Variants in ATF7IP observed in about 807,000 individuals in gnomAD.
ATF7IP encodes the protein activating transcription factor 7 interacting protein, also known as activating transcription factor 7-interacting protein 1.
Under a neutral mutation model 106.4 loss-of-function variants are expected in ATF7IP, and 23 were observed. The ratio of observed to expected loss-of-function variants is 0.22; its 90% CI spans 0.16 to 0.31. The LOEUF (loss-of-function observed/expected upper bound fraction) is 0.31, where lower values mean the gene tolerates loss of function less well. Ranked by LOEUF, ATF7IP falls within the 10% of genes least tolerant of loss-of-function variation. The probability of loss-of-function intolerance (pLI) is 1.00; values close to 1 mark genes in which losing one functional copy is unlikely to be tolerated. For missense variants in ATF7IP, 1,334 were observed against 1,524.3 expected (o/e 0.88, Z 2.08); for synonymous variants, 542 against 539.0 (o/e 1.01, Z -0.08).
At chr12:14,402,145 T>G (rs1319991054) in intron 1 of ATF7IP, among the ~76,000 whole-genome samples, 1 of 122,868 alleles carries the variant, frequency 8.1e-6, no homozygotes, top group Non-Finnish European at 1.7e-5. Flanking sequence ...TTTTTTTTTT[T>G]GAGATAGGGT....
chr12:14,495,823 C>T (rs1397255612), intron 13 of ATF7IP, among the ~76,000 whole-genome samples: 1 of 152,136 alleles, frequency 6.6e-6, no homozygotes, highest in African/African-American at 2.4e-5. Flanking sequence ...TCCATTATGG[C>T]CATTTACCTT....
intron 1 of ATF7IP, among the ~76,000 whole-genome samples, chr12:14,396,618 C>A (rs977300063): frequency 6.6e-6 from 1 of 152,032 alleles, no homozygotes; most frequent in Non-Finnish European, 1.5e-5. Flanking sequence ...GGAAGACATA[C>A]ACATCTGAAA....
intron 5 of ATF7IP, 46 bp downstream of exon 5, chr12:14,438,313 T>G: frequency 6.8e-7 from 1 of 1,475,480 alleles, no homozygotes; most frequent in Non-Finnish European, 9.2e-7. Context: ...TCATTGTTTT[T>G]ATAACTTATT....
At chr12:14,458,394 G>A (rs549494336) in intron 8 of ATF7IP, among the ~76,000 whole-genome samples, 1 of 152,288 alleles carries the variant, frequency 6.6e-6, no homozygotes, top group Middle Eastern at 3.4e-3. Flanking sequence ...CAAATATATA[G>A]ATGGAAAAGG....
chr12:14,494,312 T>TATATAG (rs1944930462), intron 13 of ATF7IP, among the ~76,000 whole-genome samples: 1 of 97,154 alleles, frequency 1.0e-5, no homozygotes, highest in Non-Finnish European at 2.1e-5. Context: ...TATATATATA[T>TATATAG]ATATATATAT....
chr12:14,397,585 A>G (rs555841972), intron 1 of ATF7IP, among the ~76,000 whole-genome samples: 1 of 152,276 alleles, frequency 6.6e-6, no homozygotes, highest in East Asian at 1.9e-4. Flanking sequence ...GCCTTTCATT[A>G]CTTTTATTTT....
At chr12:14,472,911 C>A (rs1365097110) in intron 10 of ATF7IP, among the ~76,000 whole-genome samples, 2 of 152,136 alleles carry the variant, frequency 1.3e-5, no homozygotes, top group African/African-American at 4.8e-5. Flanking sequence ...TTAATTGGCT[C>A]ATGGTTCTAC....
chr12:14,436,160 C>T lies in ATF7IP; in HGVS notation c.1700C>T (p.Ser567Phe). The T allele has an allele frequency of 6.2e-7, 1 of 1,613,658 alleles. No homozygotes were observed. Among genetic ancestry groups the T allele is most frequent in the South Asian group, 1.1e-5 (1 of 91,044 alleles). Reference sequence around the variant, plus strand: ...TCAGAAGACATGGACAATGTACAGTCTAAACGTCGTCGATATATGGAAGAA... The same window carrying T: ...TCAGAAGACATGGACAATGTACAGTTTAAACGTCGTCGATATATGGAAGAA... ...SKSEDMDNVQ[S>F]KRRRYMEEEY... The change falls in exon 4 of 15, where the codon TCT (serine) becomes TTT (phenylalanine). Residue 567 changes from serine (S) to phenylalanine (F), a missense_variant. Ser to Phe is a radical substitution (Grantham distance 155, BLOSUM62 -2). Transcript: ENST00000261168.
chr12:14,422,989 G>A (rs1941615098), intron 1 of ATF7IP, among the ~76,000 whole-genome samples: 1 of 152,114 alleles, frequency 6.6e-6, no homozygotes. Flanking sequence ...CAAAGCAGCT[G>A]CACCTATTTG....
intron 3 of ATF7IP, among the ~76,000 whole-genome samples, chr12:14,434,902 A>G (rs1942327359): frequency 6.6e-6 from 1 of 152,184 alleles, no homozygotes; most frequent in African/African-American, 2.4e-5. Context: ...CCTGGGTGAC[A>G]TAGCAAGAAC....
chr12:14,404,381 AC>A (rs1253644789), intron 1 of ATF7IP, among the ~76,000 whole-genome samples: 2 of 152,176 alleles, frequency 1.3e-5, no homozygotes, highest in African/African-American at 4.8e-5. Flanking sequence ...TATAATCATG[AC>A]CACAGGCATT....
intron 1 of ATF7IP, among the ~76,000 whole-genome samples, chr12:14,379,864 A>G (rs181398309): frequency 1.6e-4 from 25 of 152,248 alleles, no homozygotes; most frequent in South Asian, 6.2e-4. Flanking sequence ...TGGAATTTCA[A>G]TGGAACCTGC....
intron 13 of ATF7IP, among the ~76,000 whole-genome samples, chr12:14,488,008 C>A (rs142683174): frequency 6.6e-6 from 1 of 152,134 alleles, no homozygotes; most frequent in Non-Finnish European, 1.5e-5. Context: ...TATCAGTGTT[C>A]TTTATACTAC....
In ATF7IP at chr12:14,501,815, C is replaced by T. The variant is rs937918706; in HGVS notation, c.*3742C>T. ...TGTATCTTACAATTCCCTTACTGCA[C>T]TGGGTAAGTGTTAACTTAGTTTTTG... On this transcript the variant is annotated 3_prime_UTR_variant, in exon 15 of 15. Coordinates refer to ENST00000261168, the MANE Select transcript of ATF7IP (RefSeq NM_018179.5). 2.6e-5 allele frequency: 4 copies of T among 152,198 alleles called. No individual in the cohort carries two copies. The East Asian group carries it at 5.8e-4, about 22-fold the overall frequency. The allele number at this position is 152,198 out of a possible 1,614,324, so 9.4% of individuals were successfully genotyped here.
intron 12 of ATF7IP, 91 bp downstream of exon 12, chr12:14,478,563 T>TAACAAGATG: frequency 2.8e-6 from 4 of 1,437,582 alleles, no homozygotes; most frequent in Non-Finnish European, 3.8e-6. Context: ...GACAGAAAAT[T>TAACAAGATG]AATATTCATC....
At chr12:14,455,583 T>A (rs1943393854) in intron 6 of ATF7IP, among the ~76,000 whole-genome samples, 1 of 152,160 alleles carries the variant, frequency 6.6e-6, no homozygotes, top group Non-Finnish European at 1.5e-5. Context: ...TATTCTTCCA[T>A]TTTTTGTTTG....
chr12:14,476,614 A>G (rs1358383728), intron 11 of ATF7IP, among the ~76,000 whole-genome samples: 1 of 152,078 alleles, frequency 6.6e-6, no homozygotes, highest in Non-Finnish European at 1.5e-5. Context: ...TAGAGAAAAC[A>G]ATTCAGACTC....
chr12:14,459,100 T>G (rs999815110), intron 8 of ATF7IP, among the ~76,000 whole-genome samples: 18 of 152,316 alleles, frequency 1.2e-4, no homozygotes, highest in East Asian at 3.9e-4. Context: ...AATGTTATTA[T>G]TGCTGATAAA....
chr12:14,473,219 T>C (rs898590610), intron 10 of ATF7IP, among the ~76,000 whole-genome samples: 8 of 152,070 alleles, frequency 5.3e-5, no homozygotes, highest in African/African-American at 1.9e-4. Flanking sequence ...TGCTTTATTT[T>C]GTATCAGTTT....
Sources: gnomAD v4.1 joint callset for allele counts (sites outside exome capture counted in the v4.1 genomes callset) on GRCh38, gnomAD v4.1.1 for gene constraint, MANE v1.5 for transcripts, NCBI Gene and HGNC (gene_info 2026-07-23, HGNC 2026-07-21) for gene names.